Variants in DPYD observed in about 807,000 individuals in gnomAD.
DPYD encodes dihydropyrimidine dehydrogenase, also known as dihydropyrimidine dehydrogenase [NADP(+)].
Under a neutral mutation model 116.2 loss-of-function variants are expected in DPYD, and 109 were observed. That is an observed-to-expected ratio of 0.94 (90% confidence interval 0.80 to 1.10). DPYD has a LOEUF of 1.10. Among genes scored for constraint, DPYD ranks in the 50% least tolerant of loss-of-function variants. DPYD has a pLI of 0.00. For synonymous variants in DPYD, 440 were observed against 432.0 expected (o/e 1.02, Z -0.23); for missense variants, 1,302 against 1,254.5 (o/e 1.04, Z -0.57).
intron 8 of DPYD, among the ~76,000 whole-genome samples, chr1:97,601,359 T>C (rs1025253554): frequency 1.3e-5 from 2 of 152,042 alleles, no homozygotes; most frequent in Non-Finnish European, 2.9e-5. Flanking sequence ...AAGAGATTCA[T>C]AATAAACACT....
At chr1:97,331,156 C>T (rs1237659668) in intron 16 of DPYD, among the ~76,000 whole-genome samples, 1 of 152,016 alleles carries the variant, frequency 6.6e-6, no homozygotes, top group Non-Finnish European at 1.5e-5. Flanking sequence ...TCACACCAGC[C>T]TCATGACTCA....
At chr1:97,429,691 A>T (rs1397481839) in intron 14 of DPYD, among the ~76,000 whole-genome samples, 1 of 152,084 alleles carries the variant, frequency 6.6e-6, no homozygotes, top group Non-Finnish European at 1.5e-5. Context: ...TATGTCTACT[A>T]CTCAGTCTAG....
At chr1:97,783,509 C>A (rs1355162197) in intron 3 of DPYD, among the ~76,000 whole-genome samples, 1 of 151,772 alleles carries the variant, frequency 6.6e-6, no homozygotes, top group Non-Finnish European at 1.5e-5. Context: ...ATTCTCTCAC[C>A]TCAGCCTTCT....
chr1:97,595,757 A>AT (rs1263428132), intron 8 of DPYD, among the ~76,000 whole-genome samples: 4 of 151,884 alleles, frequency 2.6e-5, no homozygotes, highest in Non-Finnish European at 4.4e-5. Flanking sequence ...AGTAAGGAAC[A>AT]TATTAGCTTT....
At chr1:97,288,857 A>G (rs951559692) in intron 18 of DPYD, among the ~76,000 whole-genome samples, 28 of 151,764 alleles carry the variant, frequency 1.8e-4, no homozygotes, top group Non-Finnish European at 3.4e-4. Flanking sequence ...TGAAGGAAAT[A>G]GAGACACAAA....
rs1651521822 is a variant in DPYD at position 97,554,169 on chromosome 1, G to A, written c.1340-4425C>T. 2.0e-5 allele frequency among the ~76,000 whole-genome samples: 3 copies of A among 152,102 alleles called. No homozygotes were observed. In the South Asian group the frequency reaches 6.2e-4, roughly 32 times the overall value. The stretch of plus-strand genomic sequence containing the variant: ...TAAAATTGCAGAAACCGTCCCTCAG[G>A]GACACATCACTAGCAGATGCAGATT... On this transcript the variant is annotated intron_variant, in intron 11 of 22. Transcript: ENST00000370192.
At chr1:97,094,306 T>A (rs1650088042) in intron 21 of DPYD, among the ~76,000 whole-genome samples, 1 of 152,032 alleles carries the variant, frequency 6.6e-6, no homozygotes, top group African/African-American at 2.4e-5. Context: ...CCTACATTTT[T>A]AAAAGACTCC....
intron 7 of DPYD, among the ~76,000 whole-genome samples, chr1:97,683,894 T>G (rs1660565290): frequency 6.6e-6 from 1 of 152,000 alleles, no homozygotes; most frequent in Non-Finnish European, 1.5e-5. Flanking sequence ...TGAAGAAAAA[T>G]AAAAATAATA....
intron 11 of DPYD, among the ~76,000 whole-genome samples, chr1:97,550,092 T>C (rs1009937666): frequency 6.6e-6 from 1 of 152,212 alleles, no homozygotes; most frequent in Non-Finnish European, 1.5e-5. Flanking sequence ...TTCATAGCCA[T>C]CATTTTTACA....
At chr1:97,116,420 C>T (rs920724221) in intron 20 of DPYD, among the ~76,000 whole-genome samples, 3 of 152,148 alleles carry the variant, frequency 2.0e-5, no homozygotes, top group Admixed American at 1.3e-4. Flanking sequence ...CACCTATAGT[C>T]CCAGAACTTC....
rs764977950 is a variant in DPYD, at chr1:97,593,429, C to G, written c.959-42G>C. ...AAACCCCATTTTCAAGTAGAGAAAC[C>G]ATTTCTGCATGACAGCTCAAAAGAT... On this transcript the variant is annotated intron_variant, in intron 9 of 22. Coordinates refer to ENST00000370192, the MANE Select transcript of DPYD (RefSeq NM_000110.4). The G allele has an allele frequency of 1.2e-5, 20 of 1,607,428 alleles. No homozygotes were observed. In the South Asian group the frequency reaches 2.0e-4, roughly 16 times the overall value.
intron 18 of DPYD, among the ~76,000 whole-genome samples, chr1:97,281,694 G>A (rs1401214354): frequency 6.6e-6 from 1 of 151,960 alleles, no homozygotes; most frequent in Non-Finnish European, 1.5e-5. Context: ...AATATACTAA[G>A]GGTGAGAAAT....
chr1:97,431,023 T>C lies in DPYD; in HGVS notation c.1905+19036A>G, dbSNP rs574366321. Among the ~76,000 whole-genome samples, 7 of 152,200 alleles carry C rather than the reference T, an allele frequency of 4.6e-5. No individual in the cohort carries two copies. In the East Asian group the frequency reaches 7.7e-4, roughly 17 times the overall value. On this transcript the variant is annotated intron_variant, in intron 14 of 22. Coordinates refer to ENST00000370192, the MANE Select transcript of DPYD (RefSeq NM_000110.4). ...GAAATTAAAAAATAGGGTTTTAGAA[T>C]TGACCTGCAGGACAATTAATTAATT...
At chr1:97,725,757 A>C (rs906481214) in intron 4 of DPYD, among the ~76,000 whole-genome samples, 7 of 151,700 alleles carry the variant, frequency 4.6e-5, no homozygotes, top group African/African-American at 1.7e-4. Context: ...AAAAGAATGA[A>C]GTTTGACCCT....
At chr1:97,897,056 G>C (rs546706957) in intron 1 of DPYD, among the ~76,000 whole-genome samples, 15 of 151,914 alleles carry the variant, frequency 9.9e-5, no homozygotes, top group Admixed American at 3.9e-4. Context: ...TTGCCTGAAG[G>C]ATGTGATTTC....
At chr1:97,691,586 C>T in intron 7 of DPYD, 131 bp downstream of exon 7, 2 of 784,420 alleles carry the variant, frequency 2.5e-6, no homozygotes, top group Non-Finnish European at 2.1e-6. Flanking sequence ...GGGGAAGCAT[C>T]TTTCTGCTTC....
intron 13 of DPYD, among the ~76,000 whole-genome samples, chr1:97,514,393 A>G (rs1477695078): frequency 1.3e-5 from 2 of 151,780 alleles, no homozygotes; most frequent in African/African-American, 2.4e-5. Flanking sequence ...TTAGCCACCT[A>G]TTTCGGTTTA....
chr1:97,906,694 T>C (rs1673642910), intron 1 of DPYD, among the ~76,000 whole-genome samples: 1 of 152,118 alleles, frequency 6.6e-6, no homozygotes, highest in African/African-American at 2.4e-5. Flanking sequence ...TTGTTTTCAA[T>C]GCTTTTTCCG....
intron 1 of DPYD, among the ~76,000 whole-genome samples, chr1:97,900,064 T>G (rs922212125): frequency 1.7e-4 from 26 of 152,052 alleles, no homozygotes; most frequent in African/African-American, 5.8e-4. Flanking sequence ...GCCATTCAGC[T>G]AAGTACCAGG....
Sources: gnomAD v4.1 joint callset for allele counts (sites outside exome capture counted in the v4.1 genomes callset) on GRCh38, gnomAD v4.1.1 for gene constraint, MANE v1.5 for transcripts, NCBI Gene and HGNC (gene_info 2026-07-23, HGNC 2026-07-21) for gene names.